The following MYO16 variants were observed in gnomAD, a reference collection of about 807,000 sequenced individuals.
MYO16 encodes the protein unconventional myosin-XVI.
MYO16 carries 94 observed loss-of-function variants against 205.3 expected under a neutral mutation model. That is an observed-to-expected ratio of 0.46 (90% CI 0.39 to 0.54). The LOEUF is 0.54. MYO16 is among the 20% of genes least tolerant of loss of function. The pLI is 0.00. For missense variants in MYO16, 2,315 were observed against 2,387.5 expected (o/e 0.97, Z 0.63); for synonymous variants, 988 against 954.0 (o/e 1.04, Z -0.66).
intron 21 of MYO16, among the ~76,000 whole-genome samples, chr13:108,993,384 G>T (rs145704547): frequency 6.6e-6 from 1 of 152,094 alleles, no homozygotes; most frequent in Non-Finnish European, 1.5e-5. Context: ...ACAGGTTCTC[G>T]TGTCAGTTAC....
At chr13:108,900,598 T>G (rs1880660644) in intron 15 of MYO16, among the ~76,000 whole-genome samples, 1 of 152,198 alleles carries the variant, frequency 6.6e-6, no homozygotes, top group South Asian at 2.1e-4. Flanking sequence ...ACTTATCACT[T>G]CCCCAATCAA....
chr13:109,083,307 T>C (rs956652815), intron 27 of MYO16, among the ~76,000 whole-genome samples: 1 of 136,448 alleles, frequency 7.3e-6, no homozygotes, highest in Non-Finnish European at 1.5e-5. Context: ...CACTTGAACC[T>C]GGGAGGCAGA....
intron 1 of MYO16, among the ~76,000 whole-genome samples, chr13:108,665,234 C>T (rs12431313): frequency 0.035 from 5,253 of 152,110 alleles, 133 homozygotes; most frequent in South Asian, 0.12. Flanking sequence ...TAGCCACATG[C>T]CACCATGCCT....
the MYO16 span, among the ~76,000 whole-genome samples, chr13:108,547,777 G>A: frequency 6.6e-6 from 1 of 152,192 alleles, no homozygotes; most frequent in African/African-American, 2.4e-5. Context: ...TGGATGAGTA[G>A]GGCTTTGCCT....
the MYO16 span, among the ~76,000 whole-genome samples, chr13:108,542,266 G>A: frequency 6.6e-6 from 1 of 151,970 alleles, no homozygotes; most frequent in Non-Finnish European, 1.5e-5. Context: ...ACTAAATAAT[G>A]AGAACACAGG....
At chr13:108,614,315 A>C (rs1216053767) in intron 1 of MYO16, among the ~76,000 whole-genome samples, 1 of 152,122 alleles carries the variant, frequency 6.6e-6, no homozygotes, top group Non-Finnish European at 1.5e-5. Context: ...TATTGTTGAG[A>C]GAAATTAAAG....
intron 33 of MYO16, among the ~76,000 whole-genome samples, chr13:109,166,413 C>T (rs1473190471): frequency 1.3e-5 from 2 of 152,122 alleles, no homozygotes; most frequent in East Asian, 3.9e-4. Context: ...AGAAAATCCC[C>T]AGAATGAAAC....
At chr13:108,618,177 T>A (rs1296673185) in intron 1 of MYO16, among the ~76,000 whole-genome samples, 1 of 152,176 alleles carries the variant, frequency 6.6e-6, no homozygotes, top group Non-Finnish European at 1.5e-5. Context: ...TCACAGAGCA[T>A]CACGATTTAA....
intron 1 of MYO16, among the ~76,000 whole-genome samples, chr13:108,641,391 C>T (rs927456396): frequency 1.3e-5 from 2 of 152,124 alleles, no homozygotes; most frequent in Non-Finnish European, 2.9e-5. Context: ...ACAGGAAAGG[C>T]AGGCACAAAT....
the MYO16 span, among the ~76,000 whole-genome samples, chr13:108,505,316 A>G: frequency 6.6e-6 from 1 of 152,098 alleles, no homozygotes. Flanking sequence ...CCTCACCAGC[A>G]CTTGTTATTT....
the MYO16 span, among the ~76,000 whole-genome samples, chr13:108,578,313 G>A: frequency 6.6e-6 from 1 of 152,178 alleles, no homozygotes; most frequent in South Asian, 2.1e-4. Context: ...CATTTGAAGA[G>A]TGAAAACCAG....
chr13:108,897,993 T>G, intron 14 of MYO16, 23 bp from the exon 15 acceptor site: 1 of 1,541,676 alleles, frequency 6.5e-7, no homozygotes, highest in Middle Eastern at 1.7e-4. Context: ...AGCAGTTCAG[T>G]AAAATGTTCT....
rs1885511183 is a variant in MYO16 at position 108,758,994 on chromosome 13, A to C, written c.508-26641A>C. 3.3e-5 allele frequency among the ~76,000 whole-genome samples: 5 copies of C among 152,210 alleles called. No individual in the cohort carries two copies. In the South Asian group the frequency reaches 1.0e-3, roughly 31 times the overall value. The stretch of plus-strand genomic sequence containing the variant: ...GTACTTTAATATTAATAGAAATGTT[A>C]GGTAATTTATTTTTTAGCTTTTTAT... On this transcript the variant is annotated intron_variant, in intron 4 of 34. Coordinates refer to ENST00000457511, the MANE Select transcript of MYO16 (RefSeq NM_001198950.3).
At chr13:108,935,483 AAAGTCT>A (rs2139301212) in intron 16 of MYO16, among the ~76,000 whole-genome samples, 1 of 152,212 alleles carries the variant, frequency 6.6e-6, no homozygotes, top group South Asian at 2.1e-4. Flanking sequence ...AAACTTTGCT[AAAGTCT>A]ATCATTTATC....
At chr13:108,839,828 A>AG (rs1203131452) in intron 9 of MYO16, among the ~76,000 whole-genome samples, 1 of 152,186 alleles carries the variant, frequency 6.6e-6, no homozygotes, top group Non-Finnish European at 1.5e-5. Flanking sequence ...TCTCTCCTCC[A>AG]GGGAACTCTT....
At chr13:109,137,355 G>A (rs1876826541) in intron 31 of MYO16, among the ~76,000 whole-genome samples, 3 of 152,238 alleles carry the variant, frequency 2.0e-5, no homozygotes, top group African/African-American at 7.2e-5. Flanking sequence ...CCAGATTCTG[G>A]AAGAGCATGT....
At chr13:108,625,182 T>C (rs1007257391), upstream of MYO16, among the ~76,000 whole-genome samples, 5 of 152,138 alleles carry the variant, frequency 3.3e-5, no homozygotes, top group Admixed American at 2.0e-4. Context: ...GTCCGTTTGT[T>C]CTGGTTGGAG....
At chr13:108,733,433 G>A (rs554255716) in intron 4 of MYO16, among the ~76,000 whole-genome samples, 3 of 152,132 alleles carry the variant, frequency 2.0e-5, no homozygotes, top group African/African-American at 7.2e-5. Context: ...ACATGCTGAA[G>A]TCCAGATAGT....
At chr13:109,159,958 T>C (rs571477871) in intron 32 of MYO16, among the ~76,000 whole-genome samples, 18 of 152,342 alleles carry the variant, frequency 1.2e-4, no homozygotes, top group Admixed American at 1.2e-3. Flanking sequence ...GCAGAGAGGC[T>C]GGAGTCGGGA....
Sources: gnomAD v4.1 joint callset for allele counts (sites outside exome capture counted in the v4.1 genomes callset) on GRCh38, gnomAD v4.1.1 for gene constraint, MANE v1.5 for transcripts, NCBI Gene and HGNC (gene_info 2026-07-23, HGNC 2026-07-21) for gene names.